The following ESRRG variants were observed in gnomAD, a reference collection of about 807,000 sequenced individuals.
ESRRG encodes the protein estrogen-related receptor gamma.
A neutral mutation model predicts 44.0 loss-of-function variants in ESRRG; 13 were observed. The observed-to-expected ratio is 0.30, with a 90% CI of 0.19 to 0.47. The LOEUF (loss-of-function observed/expected upper bound fraction) is 0.47. Among genes scored for constraint, ESRRG ranks in the 20% least tolerant of loss-of-function variants. The probability of loss-of-function intolerance (pLI) is 1.00; values close to 1 mark genes in which losing one functional copy is unlikely to be tolerated. For missense variants in ESRRG, 395 were observed against 580.6 expected (o/e 0.68, Z 3.29); for synonymous variants, 215 against 214.6 (o/e 1.00, Z -0.02).
chr1:216,513,240 G>A (rs1356333634), intron 6 of ESRRG, among the ~76,000 whole-genome samples: 1 of 152,100 alleles, frequency 6.6e-6, no homozygotes, highest in Non-Finnish European at 1.5e-5. Context: ...GAAATTTCTG[G>A]TGGATGGTCT....
chr1:217,020,747 T>A (rs903574678), intron 1 of ESRRG, among the ~76,000 whole-genome samples: 5 of 152,140 alleles, frequency 3.3e-5, no homozygotes, highest in Admixed American at 3.3e-4. Context: ...CATGGTAAAT[T>A]ACACACTGCA....
At chr1:216,862,923 C>A (rs2096076535) in intron 2 of ESRRG, 1 of 151,982 alleles carries the variant, frequency 6.6e-6, no homozygotes, top group Admixed American at 6.6e-5. Context: ...ACTCATAGAG[C>A]TGGTACAAAC....
intron 3 of ESRRG, among the ~76,000 whole-genome samples, chr1:216,649,490 A>C (rs1487108097): frequency 6.8e-6 from 1 of 148,112 alleles, no homozygotes; most frequent in Non-Finnish European, 1.5e-5. Flanking sequence ...ATCTCTCTCT[A>C]TATACATATA....
At chr1:217,108,359 A>G (rs1022807536) in intron 1 of ESRRG, among the ~76,000 whole-genome samples, 2 of 152,156 alleles carry the variant, frequency 1.3e-5, no homozygotes, top group South Asian at 2.1e-4. Context: ...ATTTGCCACA[A>G]TTCTGCTTTG....
chr1:216,548,282 G>T (rs1423474389), intron 5 of ESRRG, among the ~76,000 whole-genome samples: 1 of 152,040 alleles, frequency 6.6e-6, no homozygotes. Flanking sequence ...AGTTGATTAT[G>T]TTGATTCAAA....
chr1:216,532,622 G>A (rs2049726267), intron 5 of ESRRG, among the ~76,000 whole-genome samples: 1 of 152,118 alleles, frequency 6.6e-6, no homozygotes. Flanking sequence ...CGGTGTGTGA[G>A]TAAGAATGAC....
intron 1 of ESRRG, among the ~76,000 whole-genome samples, chr1:216,703,618 A>G (rs928393815): frequency 3.0e-4 from 45 of 151,944 alleles, no homozygotes; most frequent in Non-Finnish European, 6.0e-4. Flanking sequence ...GAAAAAATAG[A>G]CAATGGCTTT....
At chr1:217,084,814 G>A (rs1201779630) in intron 1 of ESRRG, among the ~76,000 whole-genome samples, 1 of 152,030 alleles carries the variant, frequency 6.6e-6, no homozygotes, top group African/African-American at 2.4e-5. Flanking sequence ...TGTTACCACA[G>A]GTACTCCAAA....
At chr1:216,511,680 G>A (rs1046125622) in intron 6 of ESRRG, among the ~76,000 whole-genome samples, 19 of 152,122 alleles carry the variant, frequency 1.2e-4, no homozygotes, top group Non-Finnish European at 2.6e-4. Context: ...TGAGTGCCCA[G>A]GTTGTAATCT....
At chr1:217,066,025 G>A (rs1299545276) in intron 1 of ESRRG, among the ~76,000 whole-genome samples, 1 of 152,248 alleles carries the variant, frequency 6.6e-6, no homozygotes, top group Non-Finnish European at 1.5e-5. Context: ...GCGTTGCTTT[G>A]AGGAATAGCT....
At chr1:216,957,442 A>G (rs2068167896) in intron 1 of ESRRG, among the ~76,000 whole-genome samples, 1 of 152,198 alleles carries the variant, frequency 6.6e-6, no homozygotes, top group African/African-American at 2.4e-5. Flanking sequence ...AACATTTCCA[A>G]AAATGAATCC....
chr1:217,076,123 G>C (rs80341593), intron 1 of ESRRG, among the ~76,000 whole-genome samples: 186 of 152,286 alleles, frequency 1.2e-3, no homozygotes, highest in African/African-American at 4.3e-3. Flanking sequence ...TATGGCTCAA[G>C]AAACCAGTTC....
chr1:216,903,325 C>T (rs1384379855), intron 2 of ESRRG, among the ~76,000 whole-genome samples: 1 of 151,866 alleles, frequency 6.6e-6, no homozygotes, highest in Non-Finnish European at 1.5e-5. Flanking sequence ...TAGCACCGGG[C>T]CAAGATCTTT....
chr1:216,681,763 C>T (rs1237808532), intron 1 of ESRRG: 1 of 113,566 alleles, frequency 8.8e-6, no homozygotes, highest in African/African-American at 3.5e-5. Flanking sequence ...TATGTGTGCA[C>T]ATAGAGAGAG....
At chr1:217,096,225 T>C (rs1037971392) in intron 1 of ESRRG, among the ~76,000 whole-genome samples, 1 of 152,206 alleles carries the variant, frequency 6.6e-6, no homozygotes, top group Non-Finnish European at 1.5e-5. Context: ...ATTTCAAGAC[T>C]CAATTTTCCA....
chr1:217,080,349 A>C (rs72741492), intron 1 of ESRRG, among the ~76,000 whole-genome samples: 22,640 of 152,038 alleles, frequency 0.15, 2,131 homozygotes, highest in Admixed American at 0.22. Context: ...CCTCACAGAA[A>C]GCTGGAATCC....
At chr1:217,099,730 G>C (rs187753153) in intron 1 of ESRRG, among the ~76,000 whole-genome samples, 85 of 152,266 alleles carry the variant, frequency 5.6e-4, no homozygotes, top group Admixed American at 1.3e-3. Flanking sequence ...GGTGTTAGTT[G>C]GATCCTCCCC....
chr1:216,709,248 T>C (rs2083085507), intron 1 of ESRRG, among the ~76,000 whole-genome samples: 1 of 151,892 alleles, frequency 6.6e-6, no homozygotes, highest in African/African-American at 2.4e-5. Context: ...TGACAATACA[T>C]ATACATGCAA....
chr1:217,090,951 G>T (rs1352014988), upstream of ESRRG, among the ~76,000 whole-genome samples: 1 of 152,132 alleles, frequency 6.6e-6, no homozygotes, highest in Non-Finnish European at 1.5e-5. Flanking sequence ...TTTTTAGCCG[G>T]TGTGGCCACA....
Sources: gnomAD v4.1 joint callset for allele counts (sites outside exome capture counted in the v4.1 genomes callset) on GRCh38, gnomAD v4.1.1 for gene constraint, MANE v1.5 for transcripts, NCBI Gene and HGNC (gene_info 2026-07-23, HGNC 2026-07-21) for gene names.